PAH: variants seen among roughly 807,000 people sequenced by gnomAD.
PAH encodes phenylalanine hydroxylase, also known as phenylalanine-4-hydroxylase.
PAH carries 64 observed loss-of-function variants against 62.0 expected under a neutral mutation model. The observed-to-expected ratio is 1.03, with a 90% CI of 0.84 to 1.27. The LOEUF (loss-of-function observed/expected upper bound fraction) is 1.27. Among genes scored for constraint, PAH ranks in the 50% most tolerant of loss-of-function variants. The pLI is 0.00. For missense variants in PAH, 579 were observed against 542.8 expected, an observed-to-expected ratio of 1.07 and a Z score of -0.66; for synonymous variants, 195 against 196.2, an observed-to-expected ratio of 0.99 and a Z score of 0.05.
At chr12:102,948,361 T>C (rs1463098357) in intron 1 of PAH, among the ~76,000 whole-genome samples, 1 of 152,084 alleles carries the variant, frequency 6.6e-6, no homozygotes, top group East Asian at 1.9e-4. Context: ...AGTTAAGATT[T>C]CCAAAGTGGG....
intron 8 of PAH, among the ~76,000 whole-genome samples, chr12:102,849,184 G>C (rs1214559489): frequency 1.3e-5 from 2 of 152,222 alleles, no homozygotes; most frequent in African/African-American, 2.4e-5. Flanking sequence ...TTTTCTGAAA[G>C]ATTGGCTGTG....
At chr12:102,954,734 G>A (rs1482876515), upstream of PAH, among the ~76,000 whole-genome samples, 1 of 152,156 alleles carries the variant, frequency 6.6e-6, no homozygotes. Context: ...TTTGGCTCCT[G>A]AGCCTCCCAT....
At chr12:102,950,143 T>G (rs1221470454) in intron 1 of PAH, 2 of 152,264 alleles carry the variant, frequency 1.3e-5, no homozygotes, top group Admixed American at 6.5e-5. Flanking sequence ...CTTAATCTTG[T>G]CTTTGTTGCT....
At chr12:102,881,649 C>G (rs1194424506) in intron 3 of PAH, among the ~76,000 whole-genome samples, 1 of 152,206 alleles carries the variant, frequency 6.6e-6, no homozygotes, top group Non-Finnish European at 1.5e-5. Flanking sequence ...AACCACCATT[C>G]TACTCTCTGC....
chr12:102,921,106 T>C (rs1565876551), upstream of PAH, among the ~76,000 whole-genome samples: 1 of 152,160 alleles, frequency 6.6e-6, no homozygotes, highest in Non-Finnish European at 1.5e-5. Context: ...GATTGCCCTT[T>C]AGAGTGGCTT....
chr12:102,876,012 T>C (rs1876548557), intron 4 of PAH, among the ~76,000 whole-genome samples: 1 of 151,046 alleles, frequency 6.6e-6, no homozygotes, highest in Non-Finnish European at 1.5e-5. Context: ...GATTTATTGA[T>C]TATTTTAGAA....
chr12:102,857,731 A>G (rs748803143), intron 5 of PAH, among the ~76,000 whole-genome samples: 2 of 152,230 alleles, frequency 1.3e-5, no homozygotes, highest in Non-Finnish European at 2.9e-5. Flanking sequence ...ACTAAGCTTC[A>G]TAAGTGAAGG....
At chr12:102,940,484 A>C (rs867758344) in intron 1 of PAH, among the ~76,000 whole-genome samples, 22 of 152,370 alleles carry the variant, frequency 1.4e-4, no homozygotes, top group African/African-American at 4.3e-4. Flanking sequence ...AGAAAGAACC[A>C]AACTGATCTA....
intron 5 of PAH, among the ~76,000 whole-genome samples, chr12:102,858,316 A>T (rs913550532): frequency 4.6e-5 from 7 of 152,238 alleles, no homozygotes; most frequent in African/African-American, 1.7e-4. Context: ...GAGCACCCAG[A>T]TTCATAAAGC....
intron 3 of PAH, among the ~76,000 whole-genome samples, chr12:102,892,380 A>T (rs955306285): frequency 8.5e-6 from 1 of 117,620 alleles, no homozygotes; most frequent in African/African-American, 5.2e-5. Context: ...TCGATTTTAC[A>T]GTAGAAAAAA....
intron 3 of PAH, among the ~76,000 whole-genome samples, chr12:102,881,680 T>C (rs114411719): frequency 8.6e-4 from 131 of 152,306 alleles, no homozygotes; most frequent in African/African-American, 3.0e-3. Context: ...TCAACACATT[T>C]TGAATTGGAT....
chr12:102,938,671 C>G (rs1015167333), intron 1 of PAH, among the ~76,000 whole-genome samples: 4 of 152,286 alleles, frequency 2.6e-5, no homozygotes, highest in South Asian at 2.1e-4. Context: ...AATGACAGAC[C>G]CTTAGTTGCT....
intron 12 of PAH, 31 bp downstream of exon 12, chr12:102,840,369 C>T (rs369067810): frequency 1.0e-5 from 13 of 1,287,084 alleles, no homozygotes; most frequent in Middle Eastern, 1.8e-4. Context: ...ACTGAGAAAC[C>T]GAGTGGCCTC....
At chr12:102,867,840 T>C (rs572027019) in intron 4 of PAH, among the ~76,000 whole-genome samples, 11 of 148,988 alleles carry the variant, frequency 7.4e-5, no homozygotes, top group East Asian at 6.0e-4. Context: ...TCTCTCCCCC[T>C]CTCTCTCTCT....
At chr12:102,903,712 C>A (rs1877859910) in intron 2 of PAH, among the ~76,000 whole-genome samples, 1 of 152,184 alleles carries the variant, frequency 6.6e-6, no homozygotes, top group Non-Finnish European at 1.5e-5. Flanking sequence ...AAGTGTCTAG[C>A]TCCTGGAAGC....
intron 1 of PAH, among the ~76,000 whole-genome samples, chr12:102,948,303 G>A (rs4764922): frequency 0.15 from 22,269 of 152,152 alleles, 2,461 homozygotes; most frequent in African/African-American, 0.28. Flanking sequence ...TAGGGCAGAA[G>A]TGAGGATGAG....
upstream of PAH, among the ~76,000 whole-genome samples, chr12:102,951,120 C>T (rs1879744081): frequency 6.6e-6 from 1 of 152,238 alleles, no homozygotes; most frequent in South Asian, 2.1e-4. Context: ...TTCGGGTTAG[C>T]GTGAGCCCTT....
intron 4 of PAH, among the ~76,000 whole-genome samples, chr12:102,867,779 T>C (rs1358224863): frequency 6.6e-6 from 1 of 151,062 alleles, no homozygotes; most frequent in Non-Finnish European, 1.5e-5. Context: ...GCTTGATTGG[T>C]TGAATTTTTG....
intron 1 of PAH, among the ~76,000 whole-genome samples, chr12:102,929,791 G>A (rs932680405): frequency 2.6e-5 from 4 of 152,160 alleles, no homozygotes; most frequent in Non-Finnish European, 4.4e-5. Flanking sequence ...ATTTTAAAAA[G>A]AGGAGTCAGT....
Sources: gnomAD v4.1 joint callset for allele counts (sites outside exome capture counted in the v4.1 genomes callset) on GRCh38, gnomAD v4.1.1 for gene constraint, MANE v1.5 for transcripts, NCBI Gene and HGNC (gene_info 2026-07-23, HGNC 2026-07-21) for gene names.